TSPAN6: variants seen among roughly 807,000 people sequenced by gnomAD.
The protein encoded by TSPAN6 is tetraspanin 6.
TSPAN6 carries 13 observed loss-of-function variants against 18.0 expected under a neutral mutation model. That is an observed-to-expected ratio of 0.72 (90% CI 0.47 to 1.15). The LOEUF is 1.15. Among genes scored for constraint, TSPAN6 ranks in the 50% most tolerant of loss-of-function variants. The pLI is 0.00. For synonymous variants in TSPAN6, 82 were observed against 67.0 expected, an observed-to-expected ratio of 1.22 and a Z score of -1.09; for missense variants, 186 against 183.9, an observed-to-expected ratio of 1.01 and a Z score of -0.07.
rs1167335271 is a variant in TSPAN6, at chrX:100,630,592, G to A, written c.*39+167C>T. ...AGCTAAGTCATTACTTTCTGACCATGCCCTGTGTATAGAGACCTAACCTGC... is the reference window on the plus strand; with the variant it reads ...AGCTAAGTCATTACTTTCTGACCATACCCTGTGTATAGAGACCTAACCTGC... On this transcript the variant is annotated intron_variant, in intron 7 of 7. Transcript: ENST00000373020. 2.7e-5 allele frequency among the ~76,000 whole-genome samples: 3 copies of A among 112,235 alleles called. No homozygotes were observed. The East Asian group carries it at 8.4e-4, about 31-fold the overall frequency.
At chrX:100,633,372 T>C in intron 5 of TSPAN6, 33 bp downstream of exon 5, 1 of 1,197,412 alleles carries the variant, frequency 8.4e-7, no homozygotes, top group Non-Finnish European at 1.1e-6. Flanking sequence ...TCTTCAAATA[T>C]TGCCAAATAG....
chrX:100,629,562 T>C lies in TSPAN6; in HGVS notation c.*464A>G, dbSNP rs1174290268. ...CCAGTTCAGAGGGGTGAATTTTCTA[T>C]CACACTACATCAATAGCAAAGTCAG... is the stretch of plus-strand genomic sequence containing the variant. On this transcript the variant is annotated 3_prime_UTR_variant, in exon 8 of 8. Transcript: ENST00000373020. The C allele has an allele frequency of 8.9e-6, 1 of 112,298 alleles. No individual in the cohort carries two copies. The highest frequency in any genetic ancestry group is 3.2e-5 in the African/African-American group (1 of 30,870). 9.3% of individuals were successfully genotyped at this position (112,298 alleles called of 1,213,427 possible). A position where few individuals can be genotyped will look rare whatever the true frequency, so the allele number is the denominator to read the frequency against.
intron 1 of TSPAN6, 180 bp downstream of exon 1, chrX:100,636,428 C>T: frequency 9.9e-7 from 1 of 1,007,338 alleles, no homozygotes; most frequent in Non-Finnish European, 1.3e-6. Flanking sequence ...CCAGCGCCGG[C>T]GAGATGCCTG....
In TSPAN6 at chrX:100,628,891, TAC is replaced by T. The variant is rs2083041241; in HGVS notation, c.*1133_*1134del. Reference sequence around the variant, plus strand: ...TTTTAAACAAAAACATTTTTTTTAATACAGAGTTAAGGCCGCAGGCTTATATT... The same window carrying T: ...TTTTAAACAAAAACATTTTTTTTAATAGAGTTAAGGCCGCAGGCTTATATT... On this transcript the variant is annotated 3_prime_UTR_variant, in exon 8 of 8. Coordinates refer to ENST00000373020, the MANE Select transcript of TSPAN6 (RefSeq NM_003270.4). 8.9e-6 allele frequency: 1 copy of T among 111,968 alleles called. No homozygotes were observed. The highest frequency in any genetic ancestry group is 1.9e-5 in the Non-Finnish European group (1 of 53,252). 9.2% of individuals were successfully genotyped at this position (111,968 alleles called of 1,213,427 possible).
At chrX:100,636,051 G>T in intron 1 of TSPAN6, 1 of 497,586 alleles carries the variant, frequency 2.0e-6, no homozygotes, top group Non-Finnish European at 2.6e-6. Flanking sequence ...CCTTGAAGGG[G>T]AAAAAAAAAA....
chrX:100,630,951 C>A lies in TSPAN6; in HGVS notation c.670-85G>T, dbSNP rs1204398. ...CTATATTCTCCTCTCACTTGTAATT[C>A]GCTTATAATTTTCGTCCTTGAGTTT... On this transcript the variant is annotated intron_variant, in intron 6 of 7. Transcript: ENST00000373020. 18 of 728,238 alleles carry A rather than the reference C, an allele frequency of 2.5e-5. No individual in the cohort carries two copies. In the East Asian group the frequency reaches 5.9e-4, roughly 24 times the overall value. 60.0% of individuals were successfully genotyped at this position (728,238 alleles called of 1,213,427 possible). A position where few individuals can be genotyped will look rare whatever the true frequency, so the allele number is the denominator to read the frequency against.
Position 100,636,667 on chromosome X carries a change from T to A in TSPAN6, c.28A>T (p.Thr10Ser), listed in dbSNP as rs143834660. The stretch of plus-strand genomic sequence containing the variant: ...TTGAAACAAGTAATGACTGGTTTAG[T>A]CTGCAGTCTCCGAGACGGGGACGCC... MASPSRRLQ[T>S]KPVITCFKSV... Residue 10 changes from threonine (T) to serine (S), a missense_variant, in exon 1 of 8, where the codon ACT (threonine) becomes TCT (serine). Coordinates refer to ENST00000373020, the MANE Select transcript of TSPAN6 (RefSeq NM_003270.4). The A allele has an allele frequency of 4.7e-5, 57 of 1,203,139 alleles. No homozygotes were observed. Among genetic ancestry groups the A allele is most frequent in the Non-Finnish European group, 6.1e-5 (54 of 891,939 alleles).
Position 100,630,003 on chromosome X carries a change from A to C in TSPAN6, c.*40-17T>G. The C allele has an allele frequency of 1.7e-5, 13 of 748,130 alleles. No homozygotes were observed. Among genetic ancestry groups the C allele is most frequent in the Non-Finnish European group, 1.9e-5 (12 of 633,670 alleles). The allele number at this position is 748,130 out of a possible 1,213,427, so 61.7% of individuals were successfully genotyped here. The stretch of plus-strand genomic sequence containing the variant: ...CTAAATGTCCTAAAATTAAAGAAAA[A>C]AAGTTAATGTACTTGTTACCCAAAT... On this transcript the variant is annotated splice_polypyrimidine_tract_variant and intron_variant, in intron 7 of 7. Coordinates refer to ENST00000373020, the MANE Select transcript of TSPAN6 (RefSeq NM_003270.4).
intron 1 of TSPAN6, chrX:100,636,395 T>C: frequency 1.0e-6 from 1 of 985,615 alleles, no homozygotes; most frequent in Non-Finnish European, 1.3e-6. Context: ...GCCTCTCGGC[T>C]GCCTTCGTCC....
rs1028572143 is a variant in TSPAN6, at chrX:100,627,331, T to C, written c.*2695A>G. 2.7e-5 allele frequency: 3 copies of C among 111,894 alleles called. No homozygotes were observed. Among genetic ancestry groups the C allele is most frequent in the Non-Finnish European group, 3.8e-5 (2 of 53,231 alleles). The allele number at this position is 111,894 out of a possible 1,213,427, so 9.2% of individuals were successfully genotyped here. On this transcript the variant is annotated 3_prime_UTR_variant, in exon 8 of 8. Transcript: ENST00000373020. ...CATCAAAAATGAATTATTTTAAACA[T>C]AGATATATAGTGAAGTAAAATGTAA...
At chrX:100,634,128 G>C in intron 3 of TSPAN6, 99 bp from the exon 4 acceptor site, 1 of 520,916 alleles carries the variant, frequency 1.9e-6, no homozygotes, top group Non-Finnish European at 3.2e-6. Flanking sequence ...TCATATCTTT[G>C]ACAGCAGCAA....
chrX:100,634,108 TGACCAATG>T, intron 3 of TSPAN6, 79 bp from the exon 4 acceptor site: 1 of 599,650 alleles, frequency 1.7e-6, no homozygotes, highest in African/African-American at 2.2e-5. Context: ...TTCTCGAATC[TGACCAATG>T]GTCATATCTT....
Position 100,629,671 on chromosome X carries a change from A to T in TSPAN6, c.*355T>A, listed in dbSNP as rs957320096. ...CAAAGGCCCCCTACTAAGAAAAATA[A>T]CAGTCAAGAGGAACACAGTATTACT... On this transcript the variant is annotated 3_prime_UTR_variant, in exon 8 of 8. Transcript: ENST00000373020. 1 of 112,414 alleles carries T rather than the reference A, an allele frequency of 8.9e-6. No individual in the cohort carries two copies. The highest frequency in any genetic ancestry group is 1.9e-5 in the Non-Finnish European group (1 of 53,235). The allele number at this position is 112,414 out of a possible 1,213,427, so 9.3% of individuals were successfully genotyped here. A position where few individuals can be genotyped will look rare whatever the true frequency, so the allele number is the denominator to read the frequency against.
At chrX:100,630,400 C>T (rs969965004) in intron 7 of TSPAN6, among the ~76,000 whole-genome samples, 2 of 111,906 alleles carry the variant, frequency 1.8e-5, no homozygotes, top group African/African-American at 6.5e-5. Context: ...GGGAACCTCA[C>T]GAATAAGGTC....
At position 100,628,154 on chromosome X, in the gene TSPAN6, A is replaced by G. The variant is rs1401352232; in HGVS notation, c.*1872T>C. 1.8e-5 allele frequency: 2 copies of G among 111,812 alleles called. No individual in the cohort carries two copies. The highest frequency in any genetic ancestry group is 3.8e-5 in the Non-Finnish European group (2 of 53,215). 9.2% of individuals were successfully genotyped at this position (111,812 alleles called of 1,213,427 possible). A position where few individuals can be genotyped will look rare whatever the true frequency, so the allele number is the denominator to read the frequency against. On this transcript the variant is annotated 3_prime_UTR_variant, in exon 8 of 8. Transcript: ENST00000373020. ...AAAACTCTAAATATAACCTTAAAACATTCTTCAAAACCACTGCAGTGAAAA... is the reference window on the plus strand; with the variant it reads ...AAAACTCTAAATATAACCTTAAAACGTTCTTCAAAACCACTGCAGTGAAAA...
chrX:100,631,754 T>C (rs759824085), intron 6 of TSPAN6, among the ~76,000 whole-genome samples: 2 of 112,371 alleles, frequency 1.8e-5, no homozygotes, highest in South Asian at 7.4e-4. Flanking sequence ...ATGTTTTGTT[T>C]CATGAGCTAT....
At chrX:100,635,921 C>G (rs1300754020) in intron 1 of TSPAN6, among the ~76,000 whole-genome samples, 175 bp from the exon 2 acceptor site, 1 of 111,677 alleles carries the variant, frequency 9.0e-6, no homozygotes, top group African/African-American at 3.3e-5. Flanking sequence ...AGGCTGTGGA[C>G]CAGGTATCTT....
Position 100,635,588 on chromosome X carries a change from G to A in TSPAN6, c.246C>T (p.Thr82=), listed in dbSNP as rs2083088663. The A allele has an allele frequency of 8.3e-7, 1 of 1,198,458 alleles. No homozygotes were observed. Among genetic ancestry groups the A allele is most frequent in the Non-Finnish European group, 1.1e-6 (1 of 887,420 alleles). The change falls in exon 2 of 8, where the codon ACC becomes ACT. Residue 82 remains threonine, a synonymous_variant. Coordinates refer to ENST00000373020, the MANE Select transcript of TSPAN6 (RefSeq NM_003270.4). ...TTAGCATCCATGCAGAAGCTCGGCA[G>A]GTAGCAAAACAACCAAAGGTGCCCA... is the stretch of plus-strand genomic sequence containing the variant. ...ILLGTFGCFA[T]CRASAWMLKL... is the part of the protein sequence containing the mutation.
At chrX:100,635,783 C>A in intron 1 of TSPAN6, 37 bp from the exon 2 acceptor site, 1 of 1,039,096 alleles carries the variant, frequency 9.6e-7, no homozygotes, top group Admixed American at 3.0e-5. Context: ...CAGTTACGCA[C>A]TGTGTACAGC....
Sources: allele counts gnomAD v4.1 joint callset (sites outside exome capture counted in the v4.1 genomes callset), GRCh38; gene constraint gnomAD v4.1.1; transcripts MANE v1.5; gene names NCBI Gene and HGNC (gene_info 2026-07-23, HGNC 2026-07-21).